The following DNAH12 variants were observed in gnomAD, a reference collection of about 807,000 sequenced individuals.
The protein encoded by DNAH12 is dynein axonemal heavy chain 12, also known as axonemal beta dynein heavy chain 12.
In DNAH12, 285 loss-of-function variants were observed where a neutral mutation model predicts 371.5. The observed-to-expected ratio is 0.77, with a 90% CI of 0.70 to 0.85. The LOEUF is 0.85. DNAH12 is among the 40% of genes least tolerant of loss of function. The pLI, the probability that DNAH12 is intolerant of heterozygous loss-of-function variation, is 0.00. For missense variants in DNAH12, 3,611 were observed against 3,689.4 expected (o/e 0.98, Z 0.55); for synonymous variants, 1,200 against 1,213.0 (o/e 0.99, Z 0.22).
At chr3:57,362,429 G>T (rs2062957569) in intron 58 of DNAH12, among the ~76,000 whole-genome samples, 3 of 152,170 alleles carry the variant, frequency 2.0e-5, no homozygotes, top group Admixed American at 6.5e-5. Flanking sequence ...CTAGATCCTT[G>T]ACAAAGTGCC....
At chr3:57,345,746 G>A (rs1268697529) in intron 60 of DNAH12, among the ~76,000 whole-genome samples, 1 of 152,118 alleles carries the variant, frequency 6.6e-6, no homozygotes, top group African/African-American at 2.4e-5. Flanking sequence ...AACTGTGTGT[G>A]AGCTTTGATA....
At chr3:57,320,192 T>C (rs891766765) in intron 65 of DNAH12, among the ~76,000 whole-genome samples, 5 of 152,340 alleles carry the variant, frequency 3.3e-5, no homozygotes, top group Admixed American at 1.3e-4. Flanking sequence ...TGGTTGAGCT[T>C]GCTTTCCACA....
chr3:57,322,296 T>A, intron 65 of DNAH12, 47 bp downstream of exon 65: 1 of 1,461,660 alleles, frequency 6.8e-7, no homozygotes, highest in Admixed American at 2.7e-5. Context: ...CTTCCATATT[T>A]GATCACTATA....
At chr3:57,383,497 C>T (rs2063437884) in intron 49 of DNAH12, among the ~76,000 whole-genome samples, 1 of 53,624 alleles carries the variant, frequency 1.9e-5, no homozygotes, top group Non-Finnish European at 4.1e-5. Flanking sequence ...TGGAGTGCCT[C>T]TTAAAGGCTT....
At chr3:57,360,044 A>G (rs958872701) in intron 58 of DNAH12, among the ~76,000 whole-genome samples, 220 of 152,354 alleles carry the variant, frequency 1.4e-3, no homozygotes, top group Non-Finnish European at 2.8e-3. Context: ...GAACCAATAA[A>G]TAATTAAATC....
chr3:57,356,899 C>T (rs1165487856), intron 59 of DNAH12, among the ~76,000 whole-genome samples: 5 of 151,994 alleles, frequency 3.3e-5, no homozygotes, highest in South Asian at 2.1e-4. Context: ...CCCGCCACCA[C>T]GCCTGGCTAA....
chr3:57,463,346 A>C (rs943616126), intron 17 of DNAH12, among the ~76,000 whole-genome samples: 3 of 152,086 alleles, frequency 2.0e-5, no homozygotes, highest in Non-Finnish European at 4.4e-5. Flanking sequence ...GAAATATATA[A>C]TATATAGTTA....
At chr3:57,364,572 C>T (rs1001359555) in intron 57 of DNAH12, among the ~76,000 whole-genome samples, 9 of 151,706 alleles carry the variant, frequency 5.9e-5, no homozygotes, top group Admixed American at 2.6e-4. Context: ...AAAGATTTCA[C>T]GACAAAAACA....
chr3:57,350,920 C>T (rs144347833), intron 60 of DNAH12, among the ~76,000 whole-genome samples: 28 of 152,226 alleles, frequency 1.8e-4, no homozygotes, highest in African/African-American at 6.0e-4. Context: ...TAAATTCAAA[C>T]CATGATGCAA....
Position 57,531,810 on chromosome 3 carries a change from T to C in DNAH12, c.171-7926A>G, listed in dbSNP as rs1337484355. ...AAAAAAAGCCTTGAGGTCATCTTCT[T>C]TGGGTTAAATGTTAAATCTGCTTGG... On this transcript the variant is annotated intron_variant, in intron 2 of 73. Transcript: ENST00000495027. Among the ~76,000 whole-genome samples the C allele has an allele frequency of 2.0e-5, 3 of 151,672 alleles. No homozygotes were observed. The East Asian group carries it at 5.8e-4, about 29-fold the overall frequency.
chr3:57,304,088 C>T (rs2061419692), intron 69 of DNAH12, among the ~76,000 whole-genome samples: 1 of 150,870 alleles, frequency 6.6e-6, no homozygotes, highest in African/African-American at 2.4e-5. Context: ...AGAACAACCC[C>T]CCTTTGACTG....
Position 57,452,860 on chromosome 3 carries a change from T to C in DNAH12, c.3769A>G (p.Arg1257Gly). 6.5e-7 allele frequency: 1 copy of C among 1,548,022 alleles called. No individual in the cohort carries two copies. Among genetic ancestry groups the C allele is most frequent in the Non-Finnish European group, 8.7e-7 (1 of 1,146,114 alleles). The change falls in exon 25 of 74, where the codon AGG becomes GGG. Residue 1257 changes from arginine (R) to glycine (G), a missense_variant. Coordinates refer to ENST00000495027, the MANE Select transcript of DNAH12 (RefSeq NM_001366028.2). ...PRLVITPLTD[R>G]CYRTLIGAFY... is the part of the protein sequence containing the mutation. ...ATGCATACCAATGTTCTGTAACACC[T>C]GTCAGTTAGAGGCGTAATGACAAGT...
At chr3:57,418,749 A>G (rs957962512) in intron 37 of DNAH12, among the ~76,000 whole-genome samples, 52 of 152,200 alleles carry the variant, frequency 3.4e-4, no homozygotes, top group African/African-American at 1.2e-3. Flanking sequence ...TCTTTATCAA[A>G]AAAATGACAT....
At chr3:57,372,414 C>T (rs942841707) in intron 55 of DNAH12, among the ~76,000 whole-genome samples, 1 of 151,710 alleles carries the variant, frequency 6.6e-6, no homozygotes, top group African/African-American at 2.4e-5. Context: ...ATTAAGAGTT[C>T]CCAAAATGGA....
At chr3:57,439,785 G>C (rs1186699617) in intron 29 of DNAH12, among the ~76,000 whole-genome samples, 1 of 151,948 alleles carries the variant, frequency 6.6e-6, no homozygotes, top group Non-Finnish European at 1.5e-5. Context: ...CACAAATTAT[G>C]CATCCAGCAA....
intron 43 of DNAH12, among the ~76,000 whole-genome samples, 162 bp from the exon 44 acceptor site, chr3:57,394,494 C>T (rs2063696740): frequency 6.6e-6 from 1 of 152,172 alleles, no homozygotes; most frequent in Non-Finnish European, 1.5e-5. Context: ...TGCCTCCGTC[C>T]CCTGGGTGGG....
chr3:57,312,403 T>G (rs576278431), intron 66 of DNAH12, among the ~76,000 whole-genome samples: 1 of 152,314 alleles, frequency 6.6e-6, no homozygotes, highest in South Asian at 2.1e-4. Context: ...AATGTTAAAT[T>G]TGTGGCATAT....
chr3:57,412,803 C>T (rs782187773), intron 39 of DNAH12, among the ~76,000 whole-genome samples: 2 of 152,092 alleles, frequency 1.3e-5, no homozygotes, highest in Admixed American at 6.5e-5. Flanking sequence ...CCAGAGAAGA[C>T]GTGGAGCAAC....
In DNAH12 at chr3:57,461,556, T is replaced by C. The variant is rs1050294700; in HGVS notation, c.2669A>G (p.Asp890Gly). The C allele has an allele frequency of 4.5e-6, 7 of 1,551,270 alleles. No homozygotes were observed. The African/African-American group carries it at 6.8e-5, about 15-fold the overall frequency. ...CATTGTCTGAGTTTTTATAATTTGA[T>C]CATCAAGGATGGCCTGAATCTCATC... ...SVDEIQAILD[D>G]QIIKTQTMRG... is the part of the protein sequence containing the mutation. Residue 890 changes from aspartate (D) to glycine (G), a missense_variant, in exon 19 of 74, where the codon GAT becomes GGT. Asp to Gly is a moderately conservative substitution (Grantham distance 94). Transcript: ENST00000495027.
Sources: gnomAD v4.1 joint callset for allele counts (sites outside exome capture counted in the v4.1 genomes callset) on GRCh38, gnomAD v4.1.1 for gene constraint, MANE v1.5 for transcripts, NCBI Gene and HGNC (gene_info 2026-07-23, HGNC 2026-07-21) for gene names.